TMEM120A: variants seen among roughly 807,000 people sequenced by gnomAD.
The protein encoded by TMEM120A is ion channel TACAN.
A neutral mutation model predicts 54.3 loss-of-function variants in TMEM120A; 45 were observed. That is an observed-to-expected ratio of 0.83 (90% CI 0.65 to 1.06). TMEM120A has a LOEUF of 1.06. TMEM120A is among the 50% of genes least tolerant of loss of function. TMEM120A has a pLI of 0.00. For missense variants in TMEM120A, 424 were observed against 441.7 expected (o/e 0.96, Z 0.36); for synonymous variants, 204 against 178.5 (o/e 1.14, Z -1.14).
intron 4 of TMEM120A, 42 bp from the exon 5 acceptor site, chr7:75,988,558 G>A: frequency 2.0e-6 from 3 of 1,463,484 alleles, no homozygotes; most frequent in East Asian, 2.3e-5. Flanking sequence ...GTGCTGGTGG[G>A]GCCCATGTGT....
At position 75,986,858 on chromosome 7, in the gene TMEM120A, T is replaced by C; in HGVS notation, c.*314A>G. On this transcript the variant is annotated 3_prime_UTR_variant, in exon 12 of 12. Coordinates refer to ENST00000493111, the MANE Select transcript of TMEM120A (RefSeq NM_031925.3). ...GGAATAAAGTTCTGTTTTCTGTATT[T>C]GCCTGGTATTGTGTGAGTAGATCTG... 2 of 576,530 alleles carry C rather than the reference T, an allele frequency of 3.5e-6. No individual in the cohort carries two copies. Among genetic ancestry groups the C allele is most frequent in the Non-Finnish European group, 3.1e-6 (1 of 327,410 alleles). 35.7% of individuals were successfully genotyped at this position (576,530 alleles called of 1,614,324 possible). A position where few individuals can be genotyped will look rare whatever the true frequency, so the allele number is the denominator to read the frequency against.
chr7:75,993,518 G>A (rs1188643424), intron 1 of TMEM120A, among the ~76,000 whole-genome samples: 2 of 152,270 alleles, frequency 1.3e-5, no homozygotes, highest in Non-Finnish European at 2.9e-5. Context: ...GGACAGCGGC[G>A]GCCAGGCGGG....
Position 75,989,218 on chromosome 7 carries a change from G to A in TMEM120A, c.324C>T (p.Tyr108=). Residue 108 remains tyrosine, a synonymous_variant, in exon 4 of 12, where the codon TAC becomes TAT. Coordinates refer to ENST00000493111, the MANE Select transcript of TMEM120A (RefSeq NM_031925.3). The stretch of plus-strand genomic sequence containing the variant: ...TGACGTTCCCCAGAACCAGGCTCAG[G>A]TACAATCTAGGGAAGGGGGTGGCGG... ...EAYLPKKNGL[Y]LSLVLGNVNV... 6.4e-7 allele frequency: 1 copy of A among 1,558,866 alleles called. No homozygotes were observed. The highest frequency in any genetic ancestry group is 8.7e-7 in the Non-Finnish European group (1 of 1,151,638).
Position 75,989,211 on chromosome 7 carries a change from G to C in TMEM120A, c.331C>G (p.Leu111Val), listed in dbSNP as rs781982538. 4.5e-6 allele frequency: 7 copies of C among 1,552,142 alleles called. No homozygotes were observed. In the East Asian group the frequency reaches 1.7e-4, roughly 37 times the overall value. The change falls in exon 4 of 12, where the codon CTG (leucine) becomes GTG (valine). Residue 111 changes from leucine (L) to valine (V), a missense_variant. Transcript: ENST00000493111. The stretch of plus-strand genomic sequence containing the variant: ...GTGACGTTGACGTTCCCCAGAACCA[G>C]GCTCAGGTACAATCTAGGGAAGGGG... ...LPKKNGLYLS[L>V]VLGNVNVTLL...
chr7:75,994,439 A>G (rs2116680898), intron 1 of TMEM120A, 51 bp downstream of exon 1: 1 of 1,511,050 alleles, frequency 6.6e-7, no homozygotes, highest in Non-Finnish European at 9.0e-7. Flanking sequence ...CTTGACCCTG[A>G]GCCAGCGAGA....
At chr7:75,992,028 G>T in intron 3 of TMEM120A, 116 bp downstream of exon 3, 1 of 704,968 alleles carries the variant, frequency 1.4e-6, no homozygotes, top group Non-Finnish European at 2.4e-6. Context: ...GTGCCTCATT[G>T]CTCAGCCTGT....
intron 1 of TMEM120A, among the ~76,000 whole-genome samples, chr7:75,993,770 C>T (rs1554562382): frequency 1.3e-5 from 2 of 152,212 alleles, no homozygotes; most frequent in Non-Finnish European, 2.9e-5. Context: ...CACCCACAGC[C>T]ACCGCCCTCT....
At chr7:75,989,414 G>A (rs1654334158) in intron 3 of TMEM120A, among the ~76,000 whole-genome samples, 190 bp from the exon 4 acceptor site, 1 of 151,172 alleles carries the variant, frequency 6.6e-6, no homozygotes, top group South Asian at 2.1e-4. Context: ...CAGCCTTCCT[G>A]GCCGCCTGCT....
chr7:75,989,498 A>C (rs1789751210), intron 3 of TMEM120A, among the ~76,000 whole-genome samples: 1 of 26,856 alleles, frequency 3.7e-5, no homozygotes, highest in Admixed American at 4.2e-4. Context: ...CCCCCACCTC[A>C]GGGCACCAAG....
At chr7:75,992,333 A>G (rs1789875040) in intron 2 of TMEM120A, 73 bp from the exon 3 acceptor site, 2 of 1,553,592 alleles carry the variant, frequency 1.3e-6, no homozygotes, top group Non-Finnish European at 1.8e-6. Flanking sequence ...CAGGGGCAGA[A>G]GGGCAAACAG....
chr7:75,988,209 A>AT, intron 6 of TMEM120A, 43 bp downstream of exon 6: 1 of 1,611,540 alleles, frequency 6.2e-7, no homozygotes, highest in Non-Finnish European at 8.5e-7. Context: ...GGGTCCTGGC[A>AT]CCCCATTCCA....
In TMEM120A at chr7:75,987,301, G is replaced by A. The variant is rs1554560000; in HGVS notation, c.919-16C>T. ...ACATAAGCACCTGCCGGAGGAATAG[G>A]GTGAGGGCTGGACATGGGCCTGGCC... On this transcript the variant is annotated splice_polypyrimidine_tract_variant and intron_variant, in intron 11 of 11. Coordinates refer to ENST00000493111, the MANE Select transcript of TMEM120A (RefSeq NM_031925.3). 2 of 1,582,454 alleles carry A rather than the reference G, an allele frequency of 1.3e-6. No individual in the cohort carries two copies. Among genetic ancestry groups the A allele is most frequent in the Admixed American group, 1.8e-5 (1 of 54,768 alleles).
chr7:75,993,534 TG>T (rs1212028638), intron 1 of TMEM120A, among the ~76,000 whole-genome samples: 2 of 152,228 alleles, frequency 1.3e-5, no homozygotes, highest in Non-Finnish European at 2.9e-5. Context: ...GCGGGGAGAC[TG>T]GGTCTGCTCA....
In TMEM120A at chr7:75,987,298, T is replaced by G. The variant is rs370331956; in HGVS notation, c.919-13A>C. On this transcript the variant is annotated splice_polypyrimidine_tract_variant and intron_variant, in intron 11 of 11. Transcript: ENST00000493111. ...CGCACATAAGCACCTGCCGGAGGAATAGGGTGAGGGCTGGACATGGGCCTG... is the reference window on the plus strand; with the variant it reads ...CGCACATAAGCACCTGCCGGAGGAAGAGGGTGAGGGCTGGACATGGGCCTG... 6.3e-7 allele frequency: 1 copy of G among 1,586,746 alleles called. No homozygotes were observed. Among genetic ancestry groups the G allele is most frequent in the Non-Finnish European group, 8.6e-7 (1 of 1,167,634 alleles).
At chr7:75,987,867 C>T (rs1332739598) in intron 8 of TMEM120A, 56 bp downstream of exon 8, 4 of 1,598,896 alleles carry the variant, frequency 2.5e-6, no homozygotes, top group African/African-American at 2.7e-5. Flanking sequence ...GTTCCCTGCC[C>T]CTGCCCCCCA....
At chr7:75,990,203 G>A (rs559368191) in intron 3 of TMEM120A, among the ~76,000 whole-genome samples, 1 of 152,132 alleles carries the variant, frequency 6.6e-6, no homozygotes, top group East Asian at 1.9e-4. Flanking sequence ...CCCAGCACTC[G>A]CCTCTCCACA....
rs1334529072 is a variant in TMEM120A at position 75,990,807 on chromosome 7, G to A, written c.317+1337C>T. ...CCAGCTACTCCGGAGGCTGAGGCAGGAGAATCGCTTGAACCACGGAGACAG... is the reference window on the plus strand; with the variant it reads ...CCAGCTACTCCGGAGGCTGAGGCAGAAGAATCGCTTGAACCACGGAGACAG... On this transcript the variant is annotated intron_variant, in intron 3 of 11. Coordinates refer to ENST00000493111, the MANE Select transcript of TMEM120A (RefSeq NM_031925.3). Among the ~76,000 whole-genome samples, 6 of 150,350 alleles carry A rather than the reference G, an allele frequency of 4.0e-5. No homozygotes were observed. The East Asian group carries it at 9.9e-4, about 25-fold the overall frequency.
At chr7:75,993,288 C>G (rs1384111935) in intron 1 of TMEM120A, among the ~76,000 whole-genome samples, 1 of 152,226 alleles carries the variant, frequency 6.6e-6, no homozygotes, top group Non-Finnish European at 1.5e-5. Context: ...AGGAGGAGCT[C>G]AGGTTCTCAG....
At chr7:75,991,775 GT>G (rs1554561824) in intron 3 of TMEM120A, among the ~76,000 whole-genome samples, 3 of 152,068 alleles carry the variant, frequency 2.0e-5, no homozygotes, top group African/African-American at 7.3e-5. Context: ...GAACTCCTGA[GT>G]TCAAGTGATC....
Sources: gnomAD v4.1 joint callset for allele counts (sites outside exome capture counted in the v4.1 genomes callset) on GRCh38, gnomAD v4.1.1 for gene constraint, MANE v1.5 for transcripts, NCBI Gene and HGNC (gene_info 2026-07-23, HGNC 2026-07-21) for gene names.